Variants in ARHGEF17 observed in about 807,000 individuals in gnomAD.
ARHGEF17 encodes Rho guanine nucleotide exchange factor 17.
Under a neutral mutation model 174.0 loss-of-function variants are expected in ARHGEF17, and 80 were observed. The observed-to-expected ratio is 0.46, with a 90% CI of 0.38 to 0.55. The LOEUF (loss-of-function observed/expected upper bound fraction) is 0.55. ARHGEF17 is among the 20% of genes least tolerant of loss of function. ARHGEF17 has a pLI of 0.00. For missense variants in ARHGEF17, 2,886 were observed against 2,839.7 expected, an observed-to-expected ratio of 1.02 and a Z score of -0.37; for synonymous variants, 1,311 against 1,189.1, an observed-to-expected ratio of 1.10 and a Z score of -2.11.
Position 73,363,785 on chromosome 11 carries a change from G to A in ARHGEF17, c.5285G>A (p.Arg1762His), listed in dbSNP as rs778394997. ...VYQSSDSIRD[R>H]RNSMKLQHAA... is the part of the protein sequence containing the mutation. ...CAGTCCTCCGACAGCATCCGTGACC[G>A]CAGGAACAGCATGAAGCTCCAGCAT... Residue 1762 changes from arginine to histidine, a missense_variant, in exon 16 of 21, where the codon CGC (arginine) becomes CAC (histidine). Arg to His is a conservative substitution (Grantham distance 29). Around this residue, in one of 4 missense-constraint regions of ARHGEF17, gnomAD observed 329 missense variants for 435.2 expected, o/e 0.76. Coordinates refer to ENST00000263674, the MANE Select transcript of ARHGEF17 (RefSeq NM_014786.4). The A allele has an allele frequency of 1.3e-5, 21 of 1,614,030 alleles. No individual in the cohort carries two copies. Among genetic ancestry groups the A allele is most frequent in the South Asian group, 2.2e-5 (2 of 91,082 alleles).
chr11:73,326,720 C>A (rs549781455), intron 1 of ARHGEF17, among the ~76,000 whole-genome samples: 2 of 152,082 alleles, frequency 1.3e-5, no homozygotes, highest in Admixed American at 1.3e-4. Flanking sequence ...AACTCCGTCT[C>A]AAAAAATTAA....
intron 1 of ARHGEF17, among the ~76,000 whole-genome samples, chr11:73,313,705 G>A (rs1864881303): frequency 6.6e-6 from 1 of 152,212 alleles, no homozygotes; most frequent in South Asian, 2.1e-4. Flanking sequence ...TGTCCCCTTA[G>A]GGGGAGGTAA....
Position 73,356,330 on chromosome 11 carries a change from T to C in ARHGEF17, c.3819T>C (p.Ala1273=), listed in dbSNP as rs1302436853. ...RHARVLQEIE[A]HIEGMEDLQA... Reference sequence around the variant, plus strand: ...CCCGTGTGCTGCAGGAGATAGAGGCTCACATCGAGGGCATGGAGGATGTGC... The same window carrying C: ...CCCGTGTGCTGCAGGAGATAGAGGCCCACATCGAGGGCATGGAGGATGTGC... Residue 1273 remains alanine, a synonymous_variant, in exon 6 of 21, where the codon GCT becomes GCC. Coordinates refer to ENST00000263674, the MANE Select transcript of ARHGEF17 (RefSeq NM_014786.4). 2.5e-6 allele frequency: 4 copies of C among 1,611,780 alleles called. No homozygotes were observed. In the African/African-American group the frequency reaches 4.0e-5, roughly 16 times the overall value.
chr11:73,336,572 T>C (rs2134404030), intron 1 of ARHGEF17, among the ~76,000 whole-genome samples: 2 of 152,308 alleles, frequency 1.3e-5, no homozygotes, highest in South Asian at 4.1e-4. Flanking sequence ...AGTGGTGAGG[T>C]TGGAGTCCCA....
In ARHGEF17 at chr11:73,310,951, C is replaced by A; in HGVS notation, c.2313C>A (p.Ala771=). ...TGAGCCCCAAGACAGGGCTCCCTGC[C>A]ACCTCAGCCATGGATGAGGGCTTGA... ...GSLSPKTGLP[A]TSAMDEGLTS... Residue 771 remains alanine, a synonymous_variant, in exon 1 of 21, where the codon GCC becomes GCA. Coordinates refer to ENST00000263674, the MANE Select transcript of ARHGEF17 (RefSeq NM_014786.4). 6.2e-7 allele frequency: 1 copy of A among 1,614,182 alleles called. No individual in the cohort carries two copies. Among genetic ancestry groups the A allele is most frequent in the Non-Finnish European group, 8.5e-7 (1 of 1,180,020 alleles).
chr11:73,309,536 T>C lies in ARHGEF17; in HGVS notation c.898T>C (p.Ser300Pro), dbSNP rs1478374579. 3.2e-6 allele frequency: 5 copies of C among 1,586,030 alleles called. No individual in the cohort carries two copies. The highest frequency in any genetic ancestry group is 4.3e-6 in the Non-Finnish European group (5 of 1,161,072). Residue 300 changes from serine to proline, a missense_variant, in exon 1 of 21, where the codon TCC becomes CCC. Transcript: ENST00000263674. ...GAGGCCCGGGCTCAGGCCTGGAAGC[T>C]CCCTATTGGATCAGGACTGCAGGCC... ...GGRPGLRPGS[S>P]LLDQDCRPDS...
rs751091512 is a variant in ARHGEF17, at chr11:73,362,582, C to G, written c.4844C>G (p.Ser1615Trp). The G allele has an allele frequency of 1.2e-6, 2 of 1,610,266 alleles. No homozygotes were observed. The highest frequency in any genetic ancestry group is 4.5e-5 in the East Asian group (2 of 44,874). Residue 1615 changes from serine (S) to tryptophan (W), a missense_variant, in exon 14 of 21, where the codon TCG becomes TGG. Ser to Trp is a radical substitution (Grantham distance 177). This residue lies in a region of ARHGEF17 where 476 missense variants were observed against 473.1 expected (regional missense o/e 1.01). Coordinates refer to ENST00000263674, the MANE Select transcript of ARHGEF17 (RefSeq NM_014786.4). Reference protein sequence around the residue: ...QPCLHISIAGSGLEMTPGLGE... With the variant: ...QPCLHISIAGWGLEMTPGLGE... ...TGCCTTCACATCTCCATTGCAGGCTCGGGCTTGGAGATGACGCCGGGCCTC... is the reference window on the plus strand; with the variant it reads ...TGCCTTCACATCTCCATTGCAGGCTGGGGCTTGGAGATGACGCCGGGCCTC...
At chr11:73,320,214 G>GTGC (rs1864993804) in intron 1 of ARHGEF17, among the ~76,000 whole-genome samples, 1 of 152,094 alleles carries the variant, frequency 6.6e-6, no homozygotes, top group Non-Finnish European at 1.5e-5. Context: ...AGGGTAAAGG[G>GTGC]TGCTGTCCAG....
chr11:73,341,447 C>T (rs1865366902), intron 1 of ARHGEF17, among the ~76,000 whole-genome samples: 1 of 152,110 alleles, frequency 6.6e-6, no homozygotes, highest in Admixed American at 6.6e-5. Flanking sequence ...GCTGGGATTA[C>T]AGGCATGCGC....
rs76381799 is a variant in ARHGEF17, at chr11:73,328,747, G to T, written c.3192+16917G>T. Among the ~76,000 whole-genome samples, 1,158 of 152,338 alleles carry T rather than the reference G, an allele frequency of 7.6e-3. 15 individuals are homozygous for T. Among genetic ancestry groups the T allele is most frequent in the African/African-American group, 0.024 (1,013 of 41,578 alleles). ...TGTTCTCTGGTGCAGTCTTCATTCA[G>T]TGGGAACCTCGTCCTCTGTATGTAG... On this transcript the variant is annotated intron_variant, in intron 1 of 20. Coordinates refer to ENST00000263674, the MANE Select transcript of ARHGEF17 (RefSeq NM_014786.4).
intron 1 of ARHGEF17, among the ~76,000 whole-genome samples, chr11:73,345,341 C>A (rs907109111): frequency 6.6e-6 from 1 of 152,112 alleles, no homozygotes; most frequent in Admixed American, 6.5e-5. Context: ...AGCCAGCCCC[C>A]CTTCCTCCCT....
intron 1 of ARHGEF17, among the ~76,000 whole-genome samples, chr11:73,329,348 TATATATATATATATATATA>T (rs1865157165): frequency 1.7e-4 from 7 of 40,378 alleles, no homozygotes; most frequent in African/African-American, 1.0e-3. Context: ...TATATATATA[TATATATATATATATATATA>T]TATATATTTT....
chr11:73,337,683 G>C (rs1214377035), intron 1 of ARHGEF17, among the ~76,000 whole-genome samples: 1 of 152,128 alleles, frequency 6.6e-6, no homozygotes, highest in East Asian at 1.9e-4. Context: ...GCCTCCCAAA[G>C]TGCTGGGATT....
intron 2 of ARHGEF17, among the ~76,000 whole-genome samples, chr11:73,347,464 C>A (rs945418642): frequency 6.6e-6 from 1 of 152,156 alleles, no homozygotes; most frequent in African/African-American, 2.4e-5. Context: ...TCGAGGGGCA[C>A]CTGCTAAGCG....
chr11:73,324,148 T>C (rs1865063981), intron 1 of ARHGEF17, among the ~76,000 whole-genome samples: 2 of 152,298 alleles, frequency 1.3e-5, no homozygotes, highest in South Asian at 4.1e-4. Context: ...GAACCGCCTC[T>C]GTCCCAGGAT....
intron 6 of ARHGEF17, 121 bp from the exon 7 acceptor site, chr11:73,356,588 G>A (rs2134417948): frequency 7.4e-7 from 1 of 1,358,454 alleles, no homozygotes; most frequent in Non-Finnish European, 1.0e-6. Context: ...ATTGAGGGTG[G>A]GAAGCATGCT....
chr11:73,314,481 T>C (rs1864896133), intron 1 of ARHGEF17, among the ~76,000 whole-genome samples: 1 of 152,194 alleles, frequency 6.6e-6, no homozygotes, highest in African/African-American at 2.4e-5. Flanking sequence ...TCTTTGTCTC[T>C]CAGTTTTCCC....
At chr11:73,355,792 G>C in intron 4 of ARHGEF17, 69 bp from the exon 5 acceptor site, 1 of 1,599,446 alleles carries the variant, frequency 6.3e-7, no homozygotes, top group African/African-American at 1.3e-5. Flanking sequence ...AGGCTTGCTG[G>C]GGACCTGTCC....
chr11:73,359,981 G>C, intron 10 of ARHGEF17, 29 bp downstream of exon 10: 1 of 1,564,018 alleles, frequency 6.4e-7, no homozygotes, highest in Non-Finnish European at 8.7e-7. Context: ...ACACTGGGGA[G>C]CCAGAGGGTG....
Sources: gnomAD v4.1 joint callset for allele counts (sites outside exome capture counted in the v4.1 genomes callset) on GRCh38, gnomAD v4.1.1 for gene constraint, gnomAD v4.1.1 regional missense constraint, MANE v1.5 for transcripts, NCBI Gene and HGNC (gene_info 2026-07-23, HGNC 2026-07-21) for gene names.